TRIM27: variants seen among roughly 807,000 people sequenced by gnomAD.
The protein encoded by TRIM27 is zinc finger protein RFP.
Under a neutral mutation model 57.6 loss-of-function variants are expected in TRIM27, and 12 were observed. The observed-to-expected ratio is 0.21, with a 90% CI of 0.13 to 0.34. TRIM27 has a LOEUF of 0.34. Ranked by LOEUF, TRIM27 falls within the 10% of genes least tolerant of loss-of-function variation. TRIM27 has a pLI of 1.00. For missense variants in TRIM27, 403 were observed against 656.8 expected, an observed-to-expected ratio of 0.61 and a Z score of 4.22; for synonymous variants, 266 against 259.0, an observed-to-expected ratio of 1.03 and a Z score of -0.26.
Position 28,904,107 on chromosome 6 carries a change from A to G in TRIM27, c.1505T>C (p.Val502Ala). 6.2e-7 allele frequency: 1 copy of G among 1,613,040 alleles called. No homozygotes were observed. The highest frequency in any genetic ancestry group is 8.5e-7 in the Non-Finnish European group (1 of 1,180,008). The change falls in exon 8 of 8, where the codon GTT becomes GCT. Residue 502 changes from valine to alanine, a missense_variant. By Grantham distance (64) the Val-to-Ala change is moderately conservative. Coordinates refer to ENST00000377199, the MANE Select transcript of TRIM27 (RefSeq NM_006510.5). This position sits in a 1 kb window ranked among gnomAD's most constrained non-coding sequence, Gnocchi z 6.1. ...MSGIDGFSGHVGNHGHSMETS... is the reference protein window; with the variant it reads ...MSGIDGFSGHAGNHGHSMETS... ...CTCCATGGAATGACCATGATTCCCA[A>G]CATGGCCAGAAAACCCATCTATCCC...
intron 3 of TRIM27, chr6:28,915,129 C>G (rs985230520): frequency 1.3e-5 from 2 of 151,968 alleles, no homozygotes; most frequent in Non-Finnish European, 2.9e-5. Context: ...AGTATTGCCC[C>G]ATTAAGTAAT....
In TRIM27 at chr6:28,904,189, T is replaced by C. The variant is rs1562145060; in HGVS notation, c.1423A>G (p.Ser475Gly). The change falls in exon 8 of 8, where the codon AGT becomes GGT. Residue 475 changes from serine to glycine, a missense_variant. Transcript: ENST00000377199. The surrounding 1 kb of genome is among the most constrained non-coding windows in gnomAD (Gnocchi z 6.1). Reference sequence around the variant, plus strand: ...CTTTTCCCTCCCGAGTAACTCAGACTGAAGTAGGGCCGGACAGGCCCACAA... The same window carrying C: ...CTTTTCCCTCCCGAGTAACTCAGACCGAAGTAGGGCCGGACAGGCCCACAA... ...TFCGPVRPYF[S>G]LSYSGGKSAA... The C allele has an allele frequency of 6.2e-7, 1 of 1,613,022 alleles. No individual in the cohort carries two copies. Among genetic ancestry groups the C allele is most frequent in the Non-Finnish European group, 8.5e-7 (1 of 1,180,038 alleles).
chr6:28,920,911 G>A (rs1184017797), intron 2 of TRIM27, among the ~76,000 whole-genome samples: 1 of 152,100 alleles, frequency 6.6e-6, no homozygotes, highest in Non-Finnish European at 1.5e-5. Flanking sequence ...ATCCATACCC[G>A]CTGTCTGTCC....
intron 3 of TRIM27, among the ~76,000 whole-genome samples, chr6:28,913,269 A>ATAT (rs1554184214): frequency 1.2e-3 from 169 of 135,546 alleles, no homozygotes; most frequent in African/African-American, 2.8e-3. Flanking sequence ...AAAAAAAAAA[A>ATAT]ATATATATAT....
Position 28,904,148 on chromosome 6 carries a change from G to T in TRIM27, c.1464C>A (p.Ile488=), listed in dbSNP as rs745579378. ...CATCTATCCCACTCATGGGGCAGATGATCAGAGGAGCTGCACTTTTCCCTC... is the reference window on the plus strand; with the variant it reads ...CATCTATCCCACTCATGGGGCAGATTATCAGAGGAGCTGCACTTTTCCCTC... The part of the protein sequence containing the change: ...YSGGKSAAPL[I]ICPMSGIDGF... Residue 488 remains isoleucine (I), a synonymous_variant, in exon 8 of 8, where the codon ATC becomes ATA. Transcript: ENST00000377199. This position sits in a 1 kb window ranked among gnomAD's most constrained non-coding sequence, Gnocchi z 6.1. 1.2e-4 allele frequency: 193 copies of T among 1,612,968 alleles called. No homozygotes were observed. Among genetic ancestry groups the T allele is most frequent in the Non-Finnish European group, 1.6e-4 (183 of 1,180,036 alleles).
Position 28,904,434 on chromosome 6 carries a change from C to G in TRIM27, c.1178G>C (p.Cys393Ser), listed in dbSNP as rs1415515464. The change falls in exon 8 of 8, where the codon TGC (cysteine) becomes TCC (serine). Residue 393 changes from cysteine (C) to serine (S), a missense_variant. Coordinates refer to ENST00000377199, the MANE Select transcript of TRIM27 (RefSeq NM_006510.5). The surrounding 1 kb of genome is among the most constrained non-coding windows in gnomAD (Gnocchi z 6.1). ...WTIGVCEDSV[C>S]RKGGVTSAPQ... ...GGCTGAGGTTACTCCACCTTTTCTG[C>G]ACACTGAGTCTTCACAGACACCTAT... 1 of 1,613,064 alleles carries G rather than the reference C, an allele frequency of 6.2e-7. No homozygotes were observed. The highest frequency in any genetic ancestry group is 8.5e-7 in the Non-Finnish European group (1 of 1,180,024).
rs531026173 is a variant in TRIM27 at position 28,918,198 on chromosome 6, G to A, written c.747+1814C>T. 5.3e-5 allele frequency among the ~76,000 whole-genome samples: 8 copies of A among 152,208 alleles called. No homozygotes were observed. In the South Asian group the frequency reaches 1.5e-3, roughly 28 times the overall value. Reference sequence around the variant, plus strand: ...TTACAACATATACTCCTTTCCATATGTATTTTGAAAATATGTCTAACTTCT... The same window carrying A: ...TTACAACATATACTCCTTTCCATATATATTTTGAAAATATGTCTAACTTCT... On this transcript the variant is annotated intron_variant, in intron 3 of 7. Coordinates refer to ENST00000377199, the MANE Select transcript of TRIM27 (RefSeq NM_006510.5).
rs1772823161 is a variant in TRIM27 at position 28,907,091 on chromosome 6, A to C, written c.946+145T>G. 5.7e-6 allele frequency: 4 copies of C among 697,966 alleles called. No individual in the cohort carries two copies. The East Asian group carries it at 1.1e-4, about 18-fold the overall frequency. 43.2% of individuals were successfully genotyped at this position (697,966 alleles called of 1,614,324 possible). ...TGTTAACACATAGAAACAACTGAGG[A>C]TTTTTGTGGTTGTTGTGTATCATCT... On this transcript the variant is annotated intron_variant, in intron 7 of 7. Coordinates refer to ENST00000377199, the MANE Select transcript of TRIM27 (RefSeq NM_006510.5).
At chr6:28,912,250 C>T (rs923692203) in intron 3 of TRIM27, among the ~76,000 whole-genome samples, 2 of 152,014 alleles carry the variant, frequency 1.3e-5, no homozygotes, top group African/African-American at 4.8e-5. Context: ...GCTGGGACTA[C>T]GGGTGTCTGC....
Position 28,904,842 on chromosome 6 carries a change from T to G in TRIM27, c.947-177A>C, listed in dbSNP as rs1772645106. 1 of 583,502 alleles carries G rather than the reference T, an allele frequency of 1.7e-6. No individual in the cohort carries two copies. Among genetic ancestry groups the G allele is most frequent in the African/African-American group, 1.9e-5 (1 of 53,810 alleles). The allele number at this position is 583,502 out of a possible 1,614,324, so 36.1% of individuals were successfully genotyped here. A position where few individuals can be genotyped will look rare whatever the true frequency, so the allele number is the denominator to read the frequency against. ...AAAATTACTGCTTGGATTAGCTGGT[T>G]ACCAGAATACTCTGAAAATACAGAA... On this transcript the variant is annotated intron_variant, in intron 7 of 7. Transcript: ENST00000377199. This position sits in a 1 kb window ranked among gnomAD's most constrained non-coding sequence, Gnocchi z 6.1.
chr6:28,923,744 C>G lies in TRIM27; in HGVS notation c.-112G>C. ...CTGTTCCTGAGAGGCACCGGGCGGA[C>G]GGAGGGCGGCGCCTCCCGGGCCCGT... On this transcript the variant is annotated 5_prime_UTR_variant, in exon 1 of 8. Transcript: ENST00000377199. 1 of 1,241,236 alleles carries G rather than the reference C, an allele frequency of 8.1e-7. No homozygotes were observed. The highest frequency in any genetic ancestry group is 1.1e-6 in the Non-Finnish European group (1 of 925,626). The allele number at this position is 1,241,236 out of a possible 1,614,324, so 76.9% of individuals were successfully genotyped here.
chr6:28,913,402 A>G (rs1350292011), intron 3 of TRIM27, among the ~76,000 whole-genome samples: 3 of 151,770 alleles, frequency 2.0e-5, no homozygotes, highest in East Asian at 1.9e-4. Context: ...ATCAAACTGT[A>G]TATTTGTACC....
intron 4 of TRIM27, among the ~76,000 whole-genome samples, chr6:28,910,883 C>G (rs1479085828): frequency 6.6e-6 from 1 of 152,136 alleles, no homozygotes; most frequent in East Asian, 1.9e-4. Context: ...TCAATTCCAT[C>G]AACATGATTC....
intron 1 of TRIM27, 27 bp downstream of exon 1, chr6:28,923,186 C>T: frequency 6.6e-7 from 1 of 1,521,314 alleles, no homozygotes; most frequent in Non-Finnish European, 8.9e-7. Flanking sequence ...GACTCGCGCT[C>T]CCGCCCTCCC....
chr6:28,907,295 C>A (rs1772837024), intron 6 of TRIM27, 33 bp from the exon 7 acceptor site: 1 of 1,606,098 alleles, frequency 6.2e-7, no homozygotes, highest in Non-Finnish European at 8.5e-7. Flanking sequence ...TTATGGAAGT[C>A]ATGAGGGTTT....
At position 28,903,076 on chromosome 6, in the gene TRIM27, G is replaced by C. The variant is rs200264379; in HGVS notation, c.*994C>G. On this transcript the variant is annotated 3_prime_UTR_variant, in exon 8 of 8. Transcript: ENST00000377199. ...GAGAAGCAGGACTGAGAACCATCAT[G>C]GGGGCTTGCTTGAAGTGATCTGCCC... 2 of 228,926 alleles carry C rather than the reference G, an allele frequency of 8.7e-6. No homozygotes were observed. The highest frequency in any genetic ancestry group is 5.7e-5 in the Admixed American group (1 of 17,626). 14.2% of individuals were successfully genotyped at this position (228,926 alleles called of 1,614,324 possible).
At chr6:28,915,061 AT>A (rs1311194798) in intron 3 of TRIM27, 4 of 152,110 alleles carry the variant, frequency 2.6e-5, no homozygotes, top group Non-Finnish European at 4.4e-5. Flanking sequence ...GCAGTGTTAA[AT>A]AGAGATAAAT....
chr6:28,909,256 C>T (rs1441839249), intron 4 of TRIM27, among the ~76,000 whole-genome samples, 168 bp from the exon 5 acceptor site: 1 of 152,060 alleles, frequency 6.6e-6, no homozygotes, highest in Non-Finnish European at 1.5e-5. Context: ...TACAGGCATG[C>T]GCCACCATAC....
At position 28,923,956 on chromosome 6, in the gene TRIM27, C is replaced by T. The variant is rs1354861440; in HGVS notation, c.-324G>A. On this transcript the variant is annotated 5_prime_UTR_variant, in exon 1 of 8. Coordinates refer to ENST00000377199, the MANE Select transcript of TRIM27 (RefSeq NM_006510.5). Reference sequence around the variant, plus strand: ...GGGCAAAGCGCGCAAGACAACGTGGCCGCGTCCGAGCGGATGCCGGCGGCA... The same window carrying T: ...GGGCAAAGCGCGCAAGACAACGTGGTCGCGTCCGAGCGGATGCCGGCGGCA... The T allele has an allele frequency of 8.2e-6, 3 of 365,138 alleles. No individual in the cohort carries two copies. The highest frequency in any genetic ancestry group is 9.8e-6 in the Non-Finnish European group (2 of 204,510). 22.6% of individuals were successfully genotyped at this position (365,138 alleles called of 1,614,324 possible).
Sources: gnomAD v4.1 joint callset for allele counts (sites outside exome capture counted in the v4.1 genomes callset) on GRCh38, gnomAD v4.1.1 for gene constraint, Gnocchi (gnomAD v3.1) non-coding constraint, MANE v1.5 for transcripts, NCBI Gene and HGNC (gene_info 2026-07-23, HGNC 2026-07-21) for gene names.